The following SUGCT variants were observed in gnomAD, a reference collection of about 807,000 sequenced individuals.
The protein encoded by SUGCT is succinyl-CoA:glutarate CoA-transferase.
SUGCT carries 41 observed loss-of-function variants against 55.0 expected under a neutral mutation model. The ratio of observed to expected loss-of-function variants is 0.74; its 90% CI spans 0.58 to 0.97. The LOEUF is 0.97. Among genes scored for constraint, SUGCT ranks in the 50% least tolerant of loss-of-function variants. The pLI, the probability that SUGCT is intolerant of heterozygous loss-of-function variation, is 0.00. For missense variants in SUGCT, 568 were observed against 547.8 expected (o/e 1.04, Z -0.37); for synonymous variants, 187 against 200.4 (o/e 0.93, Z 0.56).
At position 40,550,158 on chromosome 7, in the gene SUGCT, T is replaced by C. The variant is rs77047587; in HGVS notation, c.1089+53772T>C. Among the ~76,000 whole-genome samples, 448 of 152,288 alleles carry C rather than the reference T, an allele frequency of 2.9e-3. 2 individuals carry two copies. The highest frequency in any genetic ancestry group is 0.029 in the East Asian group (150 of 5,184). ...GAGACTCTAAACAGTCATAAATTGT[T>C]ATCTATGCTGGTGGCTCTACTACCC... On this transcript the variant is annotated intron_variant, in intron 12 of 13. Coordinates refer to ENST00000335693, the MANE Select transcript of SUGCT (RefSeq NM_001193313.2).
chr7:41,031,424 A>G, the SUGCT span, among the ~76,000 whole-genome samples: 1 of 151,996 alleles, frequency 6.6e-6, no homozygotes, highest in Admixed American at 6.5e-5. Flanking sequence ...CCAAGTAAGA[A>G]CAAAATCATT....
At chr7:40,735,389 C>T (rs1787102439) in intron 12 of SUGCT, among the ~76,000 whole-genome samples, 3 of 152,160 alleles carry the variant, frequency 2.0e-5, no homozygotes, top group Non-Finnish European at 4.4e-5. Context: ...CAAATTAAGA[C>T]TTCAAATGTA....
At chr7:40,853,425 C>T (rs959170077) in intron 13 of SUGCT, among the ~76,000 whole-genome samples, 9 of 152,004 alleles carry the variant, frequency 5.9e-5, no homozygotes, top group South Asian at 4.2e-4. Flanking sequence ...AGTGCAGTGG[C>T]GCAATCTTGG....
the SUGCT span, among the ~76,000 whole-genome samples, chr7:40,906,770 C>T: frequency 6.6e-6 from 1 of 152,082 alleles, no homozygotes; most frequent in African/African-American, 2.4e-5. Context: ...GATACCATGC[C>T]TATATAATAA....
intron 9 of SUGCT, among the ~76,000 whole-genome samples, chr7:40,420,466 G>A (rs1238113050): frequency 6.6e-6 from 1 of 152,046 alleles, no homozygotes; most frequent in Non-Finnish European, 1.5e-5. Flanking sequence ...AGCCTCCCGA[G>A]TAGCTGGGAT....
chr7:40,140,396 A>G (rs905756815), intron 1 of SUGCT, among the ~76,000 whole-genome samples: 16 of 151,484 alleles, frequency 1.1e-4, no homozygotes, highest in African/African-American at 3.2e-4. Flanking sequence ...CCATGGATCT[A>G]TGTGTCTATT....
chr7:40,200,241 T>C (rs1409918913), intron 6 of SUGCT, among the ~76,000 whole-genome samples: 2 of 152,182 alleles, frequency 1.3e-5, no homozygotes, highest in African/African-American at 2.4e-5. Flanking sequence ...GGGCAAACAA[T>C]GTAGACATTG....
At chr7:40,468,432 C>CT (rs1257649277) in intron 11 of SUGCT, among the ~76,000 whole-genome samples, 1 of 151,990 alleles carries the variant, frequency 6.6e-6, no homozygotes, top group Non-Finnish European at 1.5e-5. Flanking sequence ...TCCCTCCTTC[C>CT]TTTTTTGGCC....
At chr7:41,030,558 A>G in the SUGCT span, among the ~76,000 whole-genome samples, 1 of 151,974 alleles carries the variant, frequency 6.6e-6, no homozygotes, top group South Asian at 2.1e-4. Context: ...CTCCCTTTAC[A>G]TTTTCCTGCT....
chr7:40,926,262 A>G, the SUGCT span, among the ~76,000 whole-genome samples: 1 of 152,136 alleles, frequency 6.6e-6, no homozygotes, highest in East Asian at 1.9e-4. Flanking sequence ...CTTAGCTTAT[A>G]ATGGAAATCA....
the SUGCT span, among the ~76,000 whole-genome samples, chr7:40,908,174 C>T: frequency 1.3e-5 from 2 of 151,370 alleles, no homozygotes; most frequent in East Asian, 3.9e-4. Context: ...GTCAGGAGAT[C>T]GAGACCATTC....
chr7:40,755,967 T>C (rs1788233210), intron 13 of SUGCT, among the ~76,000 whole-genome samples: 1 of 152,240 alleles, frequency 6.6e-6, no homozygotes, highest in Non-Finnish European at 1.5e-5. Flanking sequence ...TTTTAACTAG[T>C]GGGTGTTGGA....
chr7:40,179,068 A>G (rs1785057370), intron 1 of SUGCT, among the ~76,000 whole-genome samples: 1 of 152,174 alleles, frequency 6.6e-6, no homozygotes, highest in Non-Finnish European at 1.5e-5. Flanking sequence ...TGCAGAAAGA[A>G]GTTGGATTTC....
At chr7:40,415,293 C>A (rs973511082) in intron 9 of SUGCT, among the ~76,000 whole-genome samples, 1 of 147,924 alleles carries the variant, frequency 6.8e-6, no homozygotes, top group Non-Finnish European at 1.5e-5. Flanking sequence ...AAAAATTTGG[C>A]CACATAATGT....
At chr7:40,413,179 T>G (rs1020126326) in intron 9 of SUGCT, among the ~76,000 whole-genome samples, 2 of 152,206 alleles carry the variant, frequency 1.3e-5, no homozygotes, top group African/African-American at 4.8e-5. Flanking sequence ...CCAAGCAATT[T>G]GGAGAAGGTG....
chr7:40,306,230 A>G (rs1794847095), intron 8 of SUGCT, among the ~76,000 whole-genome samples: 1 of 152,144 alleles, frequency 6.6e-6, no homozygotes. Context: ...TTTATTCTCA[A>G]TACTTTTCCA....
chr7:40,655,739 T>A (rs1800987864), intron 12 of SUGCT, among the ~76,000 whole-genome samples: 1 of 152,178 alleles, frequency 6.6e-6, no homozygotes, highest in African/African-American at 2.4e-5. Context: ...TTTACCACAA[T>A]CATAAAAATA....
At chr7:40,426,821 A>T (rs1445177158) in intron 9 of SUGCT, among the ~76,000 whole-genome samples, 2 of 151,780 alleles carry the variant, frequency 1.3e-5, no homozygotes, top group Non-Finnish European at 2.9e-5. Context: ...TTAATTTTTA[A>T]TTTTTTTTAA....
chr7:40,674,591 G>A (rs778952916), intron 12 of SUGCT, among the ~76,000 whole-genome samples: 1 of 152,124 alleles, frequency 6.6e-6, no homozygotes, highest in Non-Finnish European at 1.5e-5. Flanking sequence ...CGGCATGTGT[G>A]CCTCCACTTC....
Sources: gnomAD v4.1 joint callset for allele counts (sites outside exome capture counted in the v4.1 genomes callset) on GRCh38, gnomAD v4.1.1 for gene constraint, MANE v1.5 for transcripts, NCBI Gene and HGNC (gene_info 2026-07-23, HGNC 2026-07-21) for gene names.